SGPP2: variants seen among roughly 807,000 people sequenced by gnomAD.
SGPP2 encodes sphingosine 1-phosphate phosphohydrolase 2.
A neutral mutation model predicts 33.9 loss-of-function variants in SGPP2; 30 were observed. That is an observed-to-expected ratio of 0.89 (90% CI 0.66 to 1.20). SGPP2 has a LOEUF of 1.20. Ranked by LOEUF, SGPP2 falls within the 50% of genes most tolerant of loss-of-function variation. The probability of loss-of-function intolerance (pLI) is 0.00; values close to 1 mark genes in which losing one functional copy is unlikely to be tolerated. For synonymous variants in SGPP2, 233 were observed against 225.0 expected (o/e 1.04, Z -0.32); for missense variants, 458 against 532.1 (o/e 0.86, Z 1.37).
chr2:222,454,389 C>T (rs1697539209), intron 1 of SGPP2, among the ~76,000 whole-genome samples: 1 of 152,132 alleles, frequency 6.6e-6, no homozygotes. Flanking sequence ...CAACTCTCTG[C>T]CAAGGTGAAA....
At chr2:222,474,223 G>A (rs1395504270) in intron 1 of SGPP2, among the ~76,000 whole-genome samples, 1 of 152,172 alleles carries the variant, frequency 6.6e-6, no homozygotes, top group Non-Finnish European at 1.5e-5. Flanking sequence ...GCATTACTCT[G>A]CCTATTGCAG....
intron 2 of SGPP2, among the ~76,000 whole-genome samples, chr2:222,484,996 G>A (rs527530601): frequency 3.3e-5 from 5 of 152,148 alleles, no homozygotes; most frequent in East Asian, 3.9e-4. Flanking sequence ...CTGCCCCTCC[G>A]CTACATGTAC....
intron 2 of SGPP2, among the ~76,000 whole-genome samples, chr2:222,483,818 C>T (rs1033424520): frequency 1.3e-5 from 2 of 152,224 alleles, no homozygotes; most frequent in Admixed American, 6.5e-5. Context: ...TCTTAATCCT[C>T]TGTTTAAACC....
In SGPP2 at chr2:222,533,608, G is replaced by A. The variant is rs903440998; in HGVS notation, c.648+8575G>A. ...GTTTAAGCTTACAGGGAAATGTATT[G>A]ATGTTTATAACCATAGTATAAGGAG... On this transcript the variant is annotated intron_variant, in intron 4 of 4. Coordinates refer to ENST00000321276, the MANE Select transcript of SGPP2 (RefSeq NM_152386.4). 5.9e-5 allele frequency among the ~76,000 whole-genome samples: 9 copies of A among 152,222 alleles called. No homozygotes were observed. In the Middle Eastern group the frequency reaches 0.01, roughly 173 times the overall value.
Position 222,526,758 on chromosome 2 carries a change from C to T in SGPP2, c.648+1725C>T, listed in dbSNP as rs62188467. Among the ~76,000 whole-genome samples the T allele has an allele frequency of 4.5e-3, 686 of 152,230 alleles. 5 individuals are homozygous for T. The highest frequency in any genetic ancestry group is 6.9e-3 in the Non-Finnish European group (466 of 68,018). On this transcript the variant is annotated intron_variant, in intron 4 of 4. Transcript: ENST00000321276. ...AGCCATCATCCTCAGCAAACTAACACGGGAACAGAAAACCTAACACCACAT... is the reference window on the plus strand; with the variant it reads ...AGCCATCATCCTCAGCAAACTAACATGGGAACAGAAAACCTAACACCACAT...
intron 1 of SGPP2, among the ~76,000 whole-genome samples, chr2:222,461,443 G>C (rs944600600): frequency 6.6e-6 from 1 of 152,048 alleles, no homozygotes; most frequent in Admixed American, 6.5e-5. Context: ...CTGGGCAGGT[G>C]GGGGGATGGT....
At chr2:222,485,682 G>A (rs534101138) in intron 2 of SGPP2, among the ~76,000 whole-genome samples, 26 of 152,262 alleles carry the variant, frequency 1.7e-4, no homozygotes, top group Admixed American at 1.3e-3. Context: ...CCCCCTACAC[G>A]AATTTCCCAG....
intron 1 of SGPP2, among the ~76,000 whole-genome samples, chr2:222,470,305 A>G (rs1261675795): frequency 6.6e-6 from 1 of 152,190 alleles, no homozygotes; most frequent in Non-Finnish European, 1.5e-5. Context: ...TAAAAAAGAC[A>G]AGTACATGTT....
chr2:222,471,771 C>G (rs1403026773), intron 1 of SGPP2, among the ~76,000 whole-genome samples: 1 of 152,110 alleles, frequency 6.6e-6, no homozygotes, highest in African/African-American at 2.4e-5. Flanking sequence ...AGTGTTGTCT[C>G]TTTTTCTCTC....
chr2:222,436,739 G>A (rs1457933189), intron 1 of SGPP2, among the ~76,000 whole-genome samples: 1 of 152,242 alleles, frequency 6.6e-6, no homozygotes, highest in African/African-American at 2.4e-5. Flanking sequence ...CTGATATCCA[G>A]AGTAGGTGTC....
Position 222,460,757 on chromosome 2 carries a change from C to T in SGPP2, c.220-13811C>T, listed in dbSNP as rs904389816. 3.5e-4 allele frequency among the ~76,000 whole-genome samples: 53 copies of T among 152,158 alleles called. 1 individual carries two copies. The highest frequency in any genetic ancestry group is 2.5e-3 in the Admixed American group (38 of 15,280). On this transcript the variant is annotated intron_variant, in intron 1 of 4. Transcript: ENST00000321276. This position sits in a 1 kb window ranked among gnomAD's most constrained non-coding sequence, Gnocchi z 4.3. ...TGGACCAGGTACTGTTTCAGGAACA[C>T]GGTGCCTCACAGCTTCCATGCCTCT... is the stretch of plus-strand genomic sequence containing the variant.
At chr2:222,546,427 T>C (rs1689204350) in intron 4 of SGPP2, among the ~76,000 whole-genome samples, 1 of 152,208 alleles carries the variant, frequency 6.6e-6, no homozygotes, top group African/African-American at 2.4e-5. Context: ...TCTCTGTAAG[T>C]GAGATTGTCC....
At chr2:222,524,153 C>T (rs1329512219) in intron 3 of SGPP2, among the ~76,000 whole-genome samples, 1 of 152,226 alleles carries the variant, frequency 6.6e-6, no homozygotes, top group Non-Finnish European at 1.5e-5. Flanking sequence ...TAAGAGCTTC[C>T]TCATTTGTAA....
intron 1 of SGPP2, among the ~76,000 whole-genome samples, chr2:222,471,100 G>T (rs1245469523): frequency 2.0e-5 from 3 of 152,132 alleles, no homozygotes; most frequent in Admixed American, 2.0e-4. Flanking sequence ...TCTTTCAATT[G>T]AATTCACTTG....
At chr2:222,452,455 T>A (rs1253745378) in intron 1 of SGPP2, 2 of 801,398 alleles carry the variant, frequency 2.5e-6, no homozygotes, top group Non-Finnish European at 4.4e-6. Flanking sequence ...ATCCATGGTT[T>A]GTGGAGTACT....
chr2:222,539,676 A>ACAT (rs2106147520), intron 4 of SGPP2, among the ~76,000 whole-genome samples: 1 of 152,342 alleles, frequency 6.6e-6, no homozygotes, highest in East Asian at 1.9e-4. Context: ...TTGCCAGATC[A>ACAT]CAGAAACAGC....
At chr2:222,462,859 C>G (rs1018441361) in intron 1 of SGPP2, among the ~76,000 whole-genome samples, 1 of 152,036 alleles carries the variant, frequency 6.6e-6, no homozygotes, top group Non-Finnish European at 1.5e-5. Flanking sequence ...CAAAAATTCT[C>G]AGAGCACAAA....
intron 1 of SGPP2, among the ~76,000 whole-genome samples, chr2:222,468,798 G>A (rs1203386672): frequency 6.6e-6 from 1 of 152,046 alleles, no homozygotes; most frequent in Non-Finnish European, 1.5e-5. Flanking sequence ...TTCTTCCCTG[G>A]TTTATTTAAA....
chr2:222,484,327 G>A (rs1471165947), intron 2 of SGPP2, among the ~76,000 whole-genome samples: 1 of 152,152 alleles, frequency 6.6e-6, no homozygotes, highest in Non-Finnish European at 1.5e-5. Flanking sequence ...GAGTAGAATT[G>A]TAGCTGTCCC....
Sources: allele counts gnomAD v4.1 joint callset (sites outside exome capture counted in the v4.1 genomes callset), GRCh38; gene constraint gnomAD v4.1.1; non-coding constraint Gnocchi (gnomAD v3.1); transcripts MANE v1.5; gene names NCBI Gene and HGNC (gene_info 2026-07-23, HGNC 2026-07-21).